TEKT3: variants seen among roughly 807,000 people sequenced by gnomAD.
TEKT3 encodes the protein tektin-3.
In TEKT3, 49 loss-of-function variants were observed where a neutral mutation model predicts 49.8. The ratio of observed to expected loss-of-function variants is 0.98; its 90% CI spans 0.78 to 1.25. TEKT3 has a LOEUF of 1.25. TEKT3 is among the 50% of genes most tolerant of loss of function. The probability of loss-of-function intolerance (pLI) is 0.00; values close to 1 mark genes in which losing one functional copy is unlikely to be tolerated. For synonymous variants in TEKT3, 225 were observed against 237.2 expected (o/e 0.95, Z 0.47); for missense variants, 595 against 629.5 (o/e 0.95, Z 0.59).
In TEKT3 at chr17:15,308,889, C is replaced by T. The variant is rs1212816657; in HGVS notation, c.1102-71G>A. 9.0e-6 allele frequency: 14 copies of T among 1,557,512 alleles called. No homozygotes were observed. The African/African-American group carries it at 1.8e-4, about 20-fold the overall frequency. On this transcript the variant is annotated intron_variant, in intron 7 of 8. Coordinates refer to ENST00000395930, the MANE Select transcript of TEKT3 (RefSeq NM_031898.3). The stretch of plus-strand genomic sequence containing the variant: ...TCAACAACCCGCCTCCCACCTCTTG[C>T]CTGTCCACTCCATGTCCAGCACGTG...
Position 15,303,926 on chromosome 17 carries a change from G to C in TEKT3, c.*10C>G. The C allele has an allele frequency of 6.2e-7, 1 of 1,613,406 alleles. No individual in the cohort carries two copies. The highest frequency in any genetic ancestry group is 8.5e-7 in the Non-Finnish European group (1 of 1,179,866). Reference sequence around the variant, plus strand: ...ACTTAGGGGTATCAAAACCACACCCGGTGGGGTCCCTAGCAGAAGCCGACC... The same window carrying C: ...ACTTAGGGGTATCAAAACCACACCCCGTGGGGTCCCTAGCAGAAGCCGACC... On this transcript the variant is annotated 3_prime_UTR_variant, in exon 9 of 9. Coordinates refer to ENST00000395930, the MANE Select transcript of TEKT3 (RefSeq NM_031898.3).
intron 6 of TEKT3, 64 bp downstream of exon 6, chr17:15,314,023 C>G: frequency 1.9e-6 from 3 of 1,607,338 alleles, no homozygotes; most frequent in Non-Finnish European, 2.6e-6. Context: ...TAAGCTGTGT[C>G]CTTTCGAAAG....
chr17:15,330,831 T>G (rs948490900), intron 3 of TEKT3, among the ~76,000 whole-genome samples, 176 bp downstream of exon 3: 14 of 152,052 alleles, frequency 9.2e-5, no homozygotes, highest in African/African-American at 2.7e-4. Flanking sequence ...ATATAATGCA[T>G]TTAAAAAAAA....
intron 1 of TEKT3, 91 bp from the exon 2 acceptor site, chr17:15,340,152 G>GA (rs1181618045): frequency 1.3e-5 from 2 of 152,112 alleles, no homozygotes; most frequent in African/African-American, 4.8e-5. Context: ...CCATCAACAG[G>GA]AGGATGCATA....
At position 15,308,692 on chromosome 17, in the gene TEKT3, C is replaced by G. The variant is rs754921856; in HGVS notation, c.1228G>C (p.Glu410Gln). 3 of 1,612,318 alleles carry G rather than the reference C, an allele frequency of 1.9e-6. No individual in the cohort carries two copies. The highest frequency in any genetic ancestry group is 1.3e-5 in the African/African-American group (1 of 74,886). ...LDERTRRPNI[E>Q]LCRDMAQLRL... is the part of the protein sequence containing the mutation. ...AGCTGAGCCATGTCTCGGCACAACT[C>G]AATGTTCGGCCGTCTTGTGCGCTCA... Residue 410 changes from glutamate to glutamine, a missense_variant, in exon 8 of 9, where the codon GAG becomes CAG. Physicochemically the swap from Glu to Gln is conservative, Grantham distance 29. Coordinates refer to ENST00000395930, the MANE Select transcript of TEKT3 (RefSeq NM_031898.3).
chr17:15,316,966 C>T (rs574235908), intron 5 of TEKT3, among the ~76,000 whole-genome samples: 64 of 152,176 alleles, frequency 4.2e-4, no homozygotes, highest in African/African-American at 1.4e-3. Flanking sequence ...CCTTGGCTGC[C>T]CTGTTAGTGC....
rs1166442416 is a variant in TEKT3 at position 15,319,238 on chromosome 17, T to C, written c.664-91A>G. On this transcript the variant is annotated intron_variant, in intron 4 of 8. Coordinates refer to ENST00000395930, the MANE Select transcript of TEKT3 (RefSeq NM_031898.3). ...TGTAACAAACATCAATGAAGGAAAATTTTGTTTCTTAAAATACTGTGAAGT... is the reference window on the plus strand; with the variant it reads ...TGTAACAAACATCAATGAAGGAAAACTTTGTTTCTTAAAATACTGTGAAGT... 7.0e-6 allele frequency: 8 copies of C among 1,142,340 alleles called. No homozygotes were observed. In the Admixed American group the frequency reaches 2.1e-4, roughly 30 times the overall value. The allele number at this position is 1,142,340 out of a possible 1,614,324, so 70.8% of individuals were successfully genotyped here.
intron 4 of TEKT3, among the ~76,000 whole-genome samples, chr17:15,323,972 T>C (rs753585791): frequency 1.1e-4 from 17 of 152,212 alleles, no homozygotes; most frequent in Non-Finnish European, 1.9e-4. Flanking sequence ...TTGTTTAAAG[T>C]GTGCAGTTTG....
intron 5 of TEKT3, 78 bp downstream of exon 5, chr17:15,318,999 A>T: frequency 8.3e-7 from 1 of 1,200,010 alleles, no homozygotes; most frequent in Non-Finnish European, 1.2e-6. Context: ...ATAAGAAATT[A>T]AGAGAAATTT....
chr17:15,338,842 G>A (rs1266735118), intron 2 of TEKT3, among the ~76,000 whole-genome samples: 2 of 151,952 alleles, frequency 1.3e-5, no homozygotes, highest in Non-Finnish European at 2.9e-5. Context: ...AGCATGTGCA[G>A]CACATACTAA....
rs371141816 is a variant in TEKT3, at chr17:15,319,086, G to T, written c.725C>A (p.Ala242Asp). 7.3e-5 allele frequency: 118 copies of T among 1,611,348 alleles called. No individual in the cohort carries two copies. The highest frequency in any genetic ancestry group is 9.8e-5 in the Non-Finnish European group (116 of 1,178,896). The change falls in exon 5 of 9, where the codon GCC (alanine) becomes GAC (aspartate). Residue 242 changes from alanine (A) to aspartate (D), a missense_variant. Coordinates refer to ENST00000395930, the MANE Select transcript of TEKT3 (RefSeq NM_031898.3). ...RMKLHLDKAI[A>D]QLAANRASQH... Reference sequence around the variant, plus strand: ...GACATAAAGCTCTTACGCAAGTTGGGCAATAGCCTTATCCAAATGTAGCTT... The same window carrying T: ...GACATAAAGCTCTTACGCAAGTTGGTCAATAGCCTTATCCAAATGTAGCTT...
At chr17:15,312,140 T>TG (rs1398054548) in intron 7 of TEKT3, 119 bp downstream of exon 7, 1 of 916,822 alleles carries the variant, frequency 1.1e-6, no homozygotes, top group Non-Finnish European at 1.7e-6. Flanking sequence ...TTTCTTGCTC[T>TG]GTGTGGCCAG....
chr17:15,320,165 G>A (rs230889), intron 4 of TEKT3, among the ~76,000 whole-genome samples: 14,647 of 152,080 alleles, frequency 0.096, 861 homozygotes, highest in East Asian at 0.24. Context: ...ATCTTCACCA[G>A]TGTGATGGAA....
At chr17:15,323,183 G>A (rs1172983225) in intron 4 of TEKT3, among the ~76,000 whole-genome samples, 1 of 152,204 alleles carries the variant, frequency 6.6e-6, no homozygotes, top group Non-Finnish European at 1.5e-5. Flanking sequence ...ATGCTGAAAC[G>A]TCTCTCCAGC....
At chr17:15,307,212 G>A (rs1910589342) in intron 8 of TEKT3, among the ~76,000 whole-genome samples, 1 of 152,256 alleles carries the variant, frequency 6.6e-6, no homozygotes, top group South Asian at 2.1e-4. Context: ...TGAGCATGCA[G>A]CATTTACTTT....
chr17:15,312,312 G>C lies in TEKT3; in HGVS notation c.1048C>G (p.Arg350Gly), dbSNP rs764754303. 6.2e-7 allele frequency: 1 copy of C among 1,614,208 alleles called. No homozygotes were observed. The highest frequency in any genetic ancestry group is 1.7e-5 in the Admixed American group (1 of 60,028). ...FNKVNLSFTN[R>G]IAETADAKNK... Reference sequence around the variant, plus strand: ...TTAGCATCTGCAGTCTCAGCAATGCGATTGGTGAAAGACAAGTTCACTTTG... The same window carrying C: ...TTAGCATCTGCAGTCTCAGCAATGCCATTGGTGAAAGACAAGTTCACTTTG... Residue 350 changes from arginine (R) to glycine (G), a missense_variant, in exon 7 of 9, where the codon CGC (arginine) becomes GGC (glycine). Physicochemically the swap from Arg to Gly is moderately radical, Grantham distance 125 (BLOSUM62 -2). Transcript: ENST00000395930.
At chr17:15,316,244 A>C (rs1161863247) in intron 5 of TEKT3, among the ~76,000 whole-genome samples, 2 of 152,080 alleles carry the variant, frequency 1.3e-5, no homozygotes, top group East Asian at 1.9e-4. Context: ...TTAAGCTGAG[A>C]CCCTGTTAGA....
chr17:15,305,173 A>G (rs946417303), intron 8 of TEKT3, among the ~76,000 whole-genome samples: 1 of 152,212 alleles, frequency 6.6e-6, no homozygotes, highest in Non-Finnish European at 1.5e-5. Flanking sequence ...ACCCAAGGCA[A>G]TAAAAAGGAA....
In TEKT3 at chr17:15,330,833, T is replaced by TA. The variant is rs201724878; in HGVS notation, c.579+173dup. On this transcript the variant is annotated intron_variant, in intron 3 of 8. Coordinates refer to ENST00000395930, the MANE Select transcript of TEKT3 (RefSeq NM_031898.3). ...TTGTTCTTAAAGTATATAATGCATT[T>TA]AAAAAAAAAATAGGCAGTGGTTTTG... Among the ~76,000 whole-genome samples, 16 of 149,630 alleles carry TA rather than the reference T, an allele frequency of 1.1e-4. No individual in the cohort carries two copies. In the South Asian group the frequency reaches 1.5e-3, roughly 14 times the overall value.
Sources: allele counts gnomAD v4.1 joint callset (sites outside exome capture counted in the v4.1 genomes callset), GRCh38; gene constraint gnomAD v4.1.1; transcripts MANE v1.5; gene names NCBI Gene and HGNC (gene_info 2026-07-23, HGNC 2026-07-21).